MTURN: variants seen among roughly 807,000 people sequenced by gnomAD.
MTURN encodes the protein maturin, neural progenitor differentiation regulator homolog, also known as maturin.
MTURN carries 7 observed loss-of-function variants against 14.9 expected under a neutral mutation model. The ratio of observed to expected loss-of-function variants is 0.47; its 90% CI spans 0.27 to 0.88. The LOEUF (loss-of-function observed/expected upper bound fraction) is 0.88. MTURN is among the 40% of genes least tolerant of loss of function. The pLI is 0.14. For missense variants in MTURN, 151 were observed against 174.1 expected (o/e 0.87, Z 0.75); for synonymous variants, 69 against 72.5 (o/e 0.95, Z 0.25).
chr7:30,136,799 A>G (rs537749293), intron 1 of MTURN, among the ~76,000 whole-genome samples: 1 of 152,252 alleles, frequency 6.6e-6, no homozygotes, highest in African/African-American at 2.4e-5. Context: ...ATCCAAAAAA[A>G]TAGGTATAAT....
rs1054527518 is a variant in MTURN at position 30,146,814 on chromosome 7, C to T, written c.285+515C>T. ...TATGAGCTACTGTTGCTTTGTTTTC[C>T]CCTTTTGGGATTTAGGAATGTGTAT... On this transcript the variant is annotated intron_variant, in intron 2 of 2. Coordinates refer to ENST00000324453, the MANE Select transcript of MTURN (RefSeq NM_152793.3). Among the ~76,000 whole-genome samples, 6 of 152,076 alleles carry T rather than the reference C, an allele frequency of 3.9e-5. No homozygotes were observed. The East Asian group carries it at 9.6e-4, about 24-fold the overall frequency.
intron 2 of MTURN, among the ~76,000 whole-genome samples, chr7:30,156,833 A>T (rs1038156824): frequency 1.1e-4 from 17 of 152,118 alleles, no homozygotes; most frequent in Admixed American, 5.9e-4. Flanking sequence ...CAAAAAAAAA[A>T]AACTCTGTCA....
In MTURN at chr7:30,160,461, AGT is replaced by A. The variant is rs2128035220; in HGVS notation, c.*2915_*2916del. ...GTGGTGTATGTTTAACTTACCTGAG[AGT>A]GAGAGATGTGTAGGAAGAATAGCTG... On this transcript the variant is annotated 3_prime_UTR_variant, in exon 3 of 3. Coordinates refer to ENST00000324453, the MANE Select transcript of MTURN (RefSeq NM_152793.3). 6.6e-6 allele frequency: 1 copy of A among 152,384 alleles called. No homozygotes were observed. The highest frequency in any genetic ancestry group is 2.4e-5 in the African/African-American group (1 of 41,546). The allele number at this position is 152,384 out of a possible 1,614,324, so 9.4% of individuals were successfully genotyped here.
At chr7:30,154,222 G>A (rs376908372) in intron 2 of MTURN, among the ~76,000 whole-genome samples, 1 of 152,170 alleles carries the variant, frequency 6.6e-6, no homozygotes, top group Non-Finnish European at 1.5e-5. Flanking sequence ...CCGTGGTGGT[G>A]GGCTGGGCAG....
At chr7:30,141,980 C>T (rs1797059094) in intron 1 of MTURN, among the ~76,000 whole-genome samples, 2 of 152,224 alleles carry the variant, frequency 1.3e-5, no homozygotes, top group South Asian at 2.1e-4. Flanking sequence ...TCCCCTGCCA[C>T]CCCCACCCTG....
chr7:30,151,387 AC>A (rs1219410101), intron 2 of MTURN, among the ~76,000 whole-genome samples: 7 of 152,206 alleles, frequency 4.6e-5, no homozygotes, highest in African/African-American at 1.7e-4. Context: ...TGCTGGTCAT[AC>A]ACGATTGAGC....
chr7:30,135,100 A>T lies in MTURN; in HGVS notation c.-37A>T. On this transcript the variant is annotated 5_prime_UTR_variant, in exon 1 of 3. Transcript: ENST00000324453. Reference sequence around the variant, plus strand: ...CGGGAGGAGGGCGCCTAGGAGCGGGAGGGCGGGCGGCGGCGGGAGGCGGGC... The same window carrying T: ...CGGGAGGAGGGCGCCTAGGAGCGGGTGGGCGGGCGGCGGCGGGAGGCGGGC... 7.2e-7 allele frequency: 1 copy of T among 1,392,354 alleles called. No homozygotes were observed. The highest frequency in any genetic ancestry group is 9.5e-7 in the Non-Finnish European group (1 of 1,057,856). The allele number at this position is 1,392,354 out of a possible 1,614,324, so 86.2% of individuals were successfully genotyped here. A position where few individuals can be genotyped will look rare whatever the true frequency, so the allele number is the denominator to read the frequency against.
chr7:30,156,453 C>T (rs987280452), intron 2 of MTURN, among the ~76,000 whole-genome samples: 21 of 151,256 alleles, frequency 1.4e-4, no homozygotes, highest in Non-Finnish European at 3.1e-4. Flanking sequence ...TTGCTTGAGT[C>T]CAGGTGTTGG....
rs191643619 is a variant in MTURN at position 30,137,912 on chromosome 7, T to C, written c.162+2614T>C. On this transcript the variant is annotated intron_variant, in intron 1 of 2. Coordinates refer to ENST00000324453, the MANE Select transcript of MTURN (RefSeq NM_152793.3). ...CATTCAACAAACATTTATTGAGGGTTTACTTTGTGCCAGGCCAGTGCTATC... is the reference window on the plus strand; with the variant it reads ...CATTCAACAAACATTTATTGAGGGTCTACTTTGTGCCAGGCCAGTGCTATC... Among the ~76,000 whole-genome samples, 155 of 152,012 alleles carry C rather than the reference T, an allele frequency of 1.0e-3. 1 individual carries two copies. Among genetic ancestry groups the C allele is most frequent in the African/African-American group, 3.5e-3 (147 of 41,550 alleles).
rs73079761 is a variant in MTURN, at chr7:30,159,537, G to C, written c.*1989G>C. 0.14 allele frequency: 20,819 copies of C among 152,618 alleles called. 1,591 individuals carry two copies. Among genetic ancestry groups the C allele is most frequent in the African/African-American group, 0.2 (8,504 of 41,496 alleles). 9.5% of individuals were successfully genotyped at this position (152,618 alleles called of 1,614,324 possible). ...ATAAAATGTATTTTATCAAAAAAGT[G>C]TTTAGACTTTGACCAAATACATGTT... On this transcript the variant is annotated 3_prime_UTR_variant, in exon 3 of 3. Coordinates refer to ENST00000324453, the MANE Select transcript of MTURN (RefSeq NM_152793.3).
At chr7:30,137,054 T>A (rs1796974825) in intron 1 of MTURN, among the ~76,000 whole-genome samples, 1 of 151,140 alleles carries the variant, frequency 6.6e-6, no homozygotes, top group Non-Finnish European at 1.5e-5. Flanking sequence ...AGTAAGTAAA[T>A]AAGTGTTCTT....
At chr7:30,148,772 G>T (rs1797164609) in intron 2 of MTURN, among the ~76,000 whole-genome samples, 1 of 152,122 alleles carries the variant, frequency 6.6e-6, no homozygotes, top group African/African-American at 2.4e-5. Flanking sequence ...AGGCTGCGGG[G>T]GCGGGTGGTG....
intron 1 of MTURN, among the ~76,000 whole-genome samples, chr7:30,144,953 G>A (rs1427232581): frequency 2.1e-4 from 3 of 13,968 alleles, no homozygotes; most frequent in Admixed American, 2.1e-3. Flanking sequence ...TTTTTTTTTT[G>A]CCAGTGTTTA....
chr7:30,137,679 A>G (rs1394778350), intron 1 of MTURN: 1 of 471,196 alleles, frequency 2.1e-6, no homozygotes, highest in Non-Finnish European at 4.4e-6. Flanking sequence ...GACCTCTTGA[A>G]TCTGTCCCAG....
intron 1 of MTURN, 80 bp downstream of exon 1, chr7:30,135,378 C>A (rs1204456972): frequency 4.0e-6 from 5 of 1,257,908 alleles, no homozygotes; most frequent in Non-Finnish European, 5.2e-6. Flanking sequence ...AGCTCCCGCG[C>A]GGTGGGCGGC....
intron 1 of MTURN, among the ~76,000 whole-genome samples, chr7:30,139,251 T>C (rs1797011815): frequency 6.6e-6 from 1 of 152,242 alleles, no homozygotes; most frequent in African/African-American, 2.4e-5. Context: ...TATGTTCAGT[T>C]TACTATGTAG....
chr7:30,150,636 G>T (rs377568732), intron 2 of MTURN, among the ~76,000 whole-genome samples: 1 of 152,196 alleles, frequency 6.6e-6, no homozygotes, highest in Non-Finnish European at 1.5e-5. Flanking sequence ...GAAGGGCTAG[G>T]AGTATCAGTG....
intron 1 of MTURN, among the ~76,000 whole-genome samples, chr7:30,144,162 T>C (rs975072976): frequency 6.6e-6 from 1 of 152,244 alleles, no homozygotes; most frequent in Non-Finnish European, 1.5e-5. Context: ...TACTGAATAT[T>C]CACTGCATGT....
Position 30,140,394 on chromosome 7 carries a change from GGTGTGT to G in MTURN, c.162+5113_162+5118del, listed in dbSNP as rs749509362. Among the ~76,000 whole-genome samples the G allele has an allele frequency of 2.8e-4, 10 of 36,324 alleles. No individual in the cohort carries two copies. In the East Asian group the frequency reaches 0.027, roughly 97 times the overall value. The allele number at this position is 36,324 out of a possible 152,430, so 23.8% of individuals were successfully genotyped here. On this transcript the variant is annotated intron_variant, in intron 1 of 2. Coordinates refer to ENST00000324453, the MANE Select transcript of MTURN (RefSeq NM_152793.3). ...TTAATTTTACATGTGTTTGTAGAGGGGTGTGTGTGTGTGTGTGTGTGTATCCCCATT... is the reference window on the plus strand; with the variant it reads ...TTAATTTTACATGTGTTTGTAGAGGGGTGTGTGTGTGTGTGTATCCCCATT...
Sources: gnomAD v4.1 joint callset for allele counts (sites outside exome capture counted in the v4.1 genomes callset) on GRCh38, gnomAD v4.1.1 for gene constraint, MANE v1.5 for transcripts, NCBI Gene and HGNC (gene_info 2026-07-23, HGNC 2026-07-21) for gene names.